Variants in APBB1IP observed in about 807,000 individuals in gnomAD.
APBB1IP encodes the protein amyloid beta A4 precursor protein-binding family B member 1-interacting protein.
APBB1IP carries 27 observed loss-of-function variants against 64.9 expected under a neutral mutation model. The ratio of observed to expected loss-of-function variants is 0.42; its 90% confidence interval spans 0.31 to 0.57. APBB1IP has a LOEUF of 0.57. APBB1IP is among the 20% of genes least tolerant of loss of function. APBB1IP has a pLI of 0.20. For synonymous variants in APBB1IP, 392 were observed against 331.0 expected, an observed-to-expected ratio of 1.18 and a Z score of -2.00; for missense variants, 812 against 845.5, an observed-to-expected ratio of 0.96 and a Z score of 0.49.
rs762742268 is a variant in APBB1IP, at chr10:26,511,752, C to T, written c.537C>T (p.Val179=). Reference sequence around the variant, plus strand: ...CCCCATGGTTCTATCCTCAGCTCGTCGTCAAGGTGCACATGAATGATAACA... The same window carrying T: ...CCCCATGGTTCTATCCTCAGCTCGTTGTCAAGGTGCACATGAATGATAACA... ...KLKEAKVKKL[V]VKVHMNDNST... The change falls in exon 7 of 15, where the codon GTC becomes GTT. Residue 179 remains valine, a synonymous_variant. Transcript: ENST00000376236. The T allele has an allele frequency of 6.2e-6, 10 of 1,613,932 alleles. No homozygotes were observed. The highest frequency in any genetic ancestry group is 2.7e-5 in the African/African-American group (2 of 74,900).
intron 5 of APBB1IP, among the ~76,000 whole-genome samples, chr10:26,502,981 T>C (rs1450553308): frequency 6.6e-6 from 1 of 152,218 alleles, no homozygotes; most frequent in African/African-American, 2.4e-5. Context: ...ATTCTGAAAA[T>C]TGAACGTTTC....
chr10:26,445,140 G>GAAAGAA (rs1835380688), intron 2 of APBB1IP, among the ~76,000 whole-genome samples: 1 of 42,108 alleles, frequency 2.4e-5, no homozygotes, highest in South Asian at 6.7e-4. Flanking sequence ...AAGAAAGAAA[G>GAAAGAA]AAAGAAAGAA....
chr10:26,501,323 G>T, intron 5 of APBB1IP: 1 of 589,984 alleles, frequency 1.7e-6, no homozygotes, highest in Non-Finnish European at 2.8e-6. Context: ...GCCATATTCA[G>T]GATTTACTGT....
chr10:26,465,426 T>A (rs1244352297), intron 2 of APBB1IP, among the ~76,000 whole-genome samples: 1 of 152,186 alleles, frequency 6.6e-6, no homozygotes, highest in Non-Finnish European at 1.5e-5. Context: ...CTCATCATTA[T>A]GGCAAAAGAA....
intron 2 of APBB1IP, among the ~76,000 whole-genome samples, chr10:26,476,953 A>C (rs989465343): frequency 2.6e-5 from 4 of 152,046 alleles, no homozygotes; most frequent in African/African-American, 9.7e-5. Flanking sequence ...GGCGTATGCC[A>C]CCATGCCTGG....
At chr10:26,455,890 T>C (rs891233453) in intron 2 of APBB1IP, among the ~76,000 whole-genome samples, 1 of 151,930 alleles carries the variant, frequency 6.6e-6, no homozygotes, top group Non-Finnish European at 1.5e-5. Context: ...GCTGAAAAAA[T>C]GGAAACAACC....
rs1321272418 is a variant in APBB1IP at position 26,438,697 on chromosome 10, A to T, written c.-157A>T. 1 of 152,128 alleles carries T rather than the reference A, an allele frequency of 6.6e-6. No homozygotes were observed. The highest frequency in any genetic ancestry group is 2.1e-4 in the South Asian group (1 of 4,834). 9.4% of individuals were successfully genotyped at this position (152,128 alleles called of 1,614,324 possible). On this transcript the variant is annotated 5_prime_UTR_variant, in exon 2 of 15. Transcript: ENST00000376236. ...AGCAAAGCAGCTCGGATAGCGCCAC[A>T]CGTCTGCGCGCTGCGTGGGAAGGGC...
intron 2 of APBB1IP, among the ~76,000 whole-genome samples, chr10:26,451,459 T>C: frequency 6.6e-6 from 1 of 152,230 alleles, no homozygotes; most frequent in East Asian, 1.9e-4. Context: ...CAGGAGGAAC[T>C]CTGTGCTTTA....
intron 6 of APBB1IP, among the ~76,000 whole-genome samples, chr10:26,509,976 T>C (rs1836231987): frequency 6.6e-6 from 1 of 152,208 alleles, no homozygotes; most frequent in Non-Finnish European, 1.5e-5. Flanking sequence ...TGTTGTTTTC[T>C]TTTCTTTTTT....
At chr10:26,503,886 G>T (rs1410347645) in intron 6 of APBB1IP, among the ~76,000 whole-genome samples, 2 of 152,174 alleles carry the variant, frequency 1.3e-5, no homozygotes, top group East Asian at 1.9e-4. Context: ...GATGGGAGTA[G>T]AATTATACCT....
Position 26,562,573 on chromosome 10 carries a change from G to A in APBB1IP, c.1473+144G>A, listed in dbSNP as rs527348047. 1.8e-4 allele frequency: 112 copies of A among 621,340 alleles called. 1 individual carries two copies. The East Asian group carries it at 3.1e-3, about 17-fold the overall frequency. 38.5% of individuals were successfully genotyped at this position (621,340 alleles called of 1,614,324 possible). A position where few individuals can be genotyped will look rare whatever the true frequency, so the allele number is the denominator to read the frequency against. On this transcript the variant is annotated intron_variant, in intron 14 of 14. Transcript: ENST00000376236. ...CCAGAACTTTGGGAGGCTGAGGCAG[G>A]AGGATCACTTGAGCTTCAGTTTGAG...
At chr10:26,468,130 A>G (rs1407796237) in intron 2 of APBB1IP, among the ~76,000 whole-genome samples, 1 of 152,192 alleles carries the variant, frequency 6.6e-6, no homozygotes, top group East Asian at 1.9e-4. Flanking sequence ...AGCTGGACCC[A>G]TGTCTTTCAG....
chr10:26,519,979 G>A lies in APBB1IP; in HGVS notation c.813+6319G>A, dbSNP rs368792687. 2.6e-4 allele frequency among the ~76,000 whole-genome samples: 40 copies of A among 152,296 alleles called. No homozygotes were observed. The South Asian group carries it at 8.3e-3, about 32-fold the overall frequency. The stretch of plus-strand genomic sequence containing the variant: ...TAAAGTCTTCTTGTCTAAGCCCTGT[G>A]CTAATACCCTTTGATTGTTTAAAGC... On this transcript the variant is annotated intron_variant, in intron 8 of 14. Coordinates refer to ENST00000376236, the MANE Select transcript of APBB1IP (RefSeq NM_019043.4).
At chr10:26,467,938 T>C (rs1564352718) in intron 2 of APBB1IP, among the ~76,000 whole-genome samples, 1 of 152,222 alleles carries the variant, frequency 6.6e-6, no homozygotes, top group Non-Finnish European at 1.5e-5. Flanking sequence ...GCAACAATGA[T>C]AGAAACTACA....
At chr10:26,498,771 A>G (rs1836061085) in intron 4 of APBB1IP, among the ~76,000 whole-genome samples, 1 of 152,218 alleles carries the variant, frequency 6.6e-6, no homozygotes, top group Non-Finnish European at 1.5e-5. Flanking sequence ...AGATATAAAC[A>G]TAGTGATATT....
intron 11 of APBB1IP, among the ~76,000 whole-genome samples, chr10:26,548,981 AC>A (rs1371373049): frequency 6.6e-6 from 1 of 152,186 alleles, no homozygotes; most frequent in Non-Finnish European, 1.5e-5. Flanking sequence ...TGTGGGTTTA[AC>A]ATATATAAAC....
intron 14 of APBB1IP, 77 bp from the exon 15 acceptor site, chr10:26,566,884 C>G (rs1379552047): frequency 1.4e-6 from 2 of 1,430,960 alleles, no homozygotes; most frequent in Non-Finnish European, 1.8e-6. Flanking sequence ...GAGACCCCGT[C>G]TCCATTAATT....
intron 6 of APBB1IP, among the ~76,000 whole-genome samples, chr10:26,507,579 C>CA (rs1836198641): frequency 6.6e-6 from 1 of 152,240 alleles, no homozygotes; most frequent in African/African-American, 2.4e-5. Flanking sequence ...GATTGTAGCA[C>CA]AAAATCTCAC....
intron 2 of APBB1IP, among the ~76,000 whole-genome samples, chr10:26,458,902 G>C (rs542955272): frequency 3.9e-5 from 6 of 152,052 alleles, no homozygotes; most frequent in East Asian, 3.9e-4. Context: ...TTGTGTATAA[G>C]TGTGTATTTT....
Sources: gnomAD v4.1 joint callset for allele counts (sites outside exome capture counted in the v4.1 genomes callset) on GRCh38, gnomAD v4.1.1 for gene constraint, MANE v1.5 for transcripts, NCBI Gene and HGNC (gene_info 2026-07-23, HGNC 2026-07-21) for gene names.